Variants in CFAP97 observed in about 807,000 individuals in gnomAD.
CFAP97 encodes the protein cilia and flagella associated protein 97.
Under a neutral mutation model 43.1 loss-of-function variants are expected in CFAP97, and 36 were observed. The observed-to-expected ratio is 0.84, with a 90% CI of 0.64 to 1.10. The LOEUF is 1.10. CFAP97 is among the 50% of genes least tolerant of loss of function. The probability of loss-of-function intolerance (pLI) is 0.00; values close to 1 mark genes in which losing one functional copy is unlikely to be tolerated. For missense variants in CFAP97, 657 were observed against 620.3 expected, an observed-to-expected ratio of 1.06 and a Z score of -0.63; for synonymous variants, 228 against 225.7, an observed-to-expected ratio of 1.01 and a Z score of -0.09.
At chr4:185,202,953 AGTT>A (rs1240818145) in intron 1 of CFAP97, among the ~76,000 whole-genome samples, 2 of 152,244 alleles carry the variant, frequency 1.3e-5, no homozygotes, top group Non-Finnish European at 2.9e-5. Context: ...TTAATAAAGT[AGTT>A]AAGATTCTCT....
At chr4:185,208,777 T>A (rs949071564), upstream of CFAP97, among the ~76,000 whole-genome samples, 2 of 152,066 alleles carry the variant, frequency 1.3e-5, no homozygotes, top group Non-Finnish European at 2.9e-5. Flanking sequence ...TGAATACCAA[T>A]TGATACTAAA....
At chr4:185,194,756 C>A (rs1377181096) in intron 1 of CFAP97, among the ~76,000 whole-genome samples, 2 of 152,260 alleles carry the variant, frequency 1.3e-5, no homozygotes, top group African/African-American at 4.8e-5. Flanking sequence ...CTTTTCTATA[C>A]TGAATTAATA....
At chr4:185,165,609 C>A (rs892021369) in intron 3 of CFAP97, among the ~76,000 whole-genome samples, 1 of 152,196 alleles carries the variant, frequency 6.6e-6, no homozygotes, top group African/African-American at 2.4e-5. Flanking sequence ...GGAGTACTGA[C>A]CTGCACTAAG....
chr4:185,174,814 T>C (rs1361347454), intron 3 of CFAP97, among the ~76,000 whole-genome samples: 1 of 152,214 alleles, frequency 6.6e-6, no homozygotes, highest in Non-Finnish European at 1.5e-5. Context: ...AATAAGTTAA[T>C]ATTTGGAAGA....
chr4:185,169,189 G>C (rs1735187362), intron 3 of CFAP97: 2 of 152,132 alleles, frequency 1.3e-5, no homozygotes, highest in Admixed American at 6.5e-5. Context: ...TAACAATACT[G>C]TGTTATATAC....
At chr4:185,205,594 T>C (rs1204121375), upstream of CFAP97, among the ~76,000 whole-genome samples, 1 of 152,154 alleles carries the variant, frequency 6.6e-6, no homozygotes, top group Non-Finnish European at 1.5e-5. Flanking sequence ...TTTGAGAGGC[T>C]GAGGTGGGCG....
intron 3 of CFAP97, among the ~76,000 whole-genome samples, chr4:185,174,945 C>T (rs1221337033): frequency 1.3e-5 from 2 of 152,014 alleles, no homozygotes; most frequent in Non-Finnish European, 2.9e-5. Flanking sequence ...TCAACAGTTC[C>T]CATATTTATT....
At chr4:185,203,585 C>T (rs1435429698) in intron 1 of CFAP97, among the ~76,000 whole-genome samples, 1 of 152,118 alleles carries the variant, frequency 6.6e-6, no homozygotes, top group African/African-American at 2.4e-5. Flanking sequence ...AAGAAGTCGT[C>T]AGGGCCCGGC....
Position 185,190,995 on chromosome 4 carries a change from C to T in CFAP97, c.202G>A (p.Gly68Arg). The change falls in exon 2 of 5, where the codon GGA becomes AGA. Residue 68 changes from glycine (G) to arginine (R), a missense_variant. Gly to Arg is a moderately radical substitution (Grantham distance 125, BLOSUM62 -2). Coordinates refer to ENST00000458385, the MANE Select transcript of CFAP97 (RefSeq NM_020827.3). ...QTTENYLTEK[G>R]NERNVKFPPE... is the part of the protein sequence containing the mutation. Reference sequence around the variant, plus strand: ...GGAAATTTCACGTTTCTTTCATTTCCCTTCTCAGTAAGATAATTTTCTGTT... The same window carrying T: ...GGAAATTTCACGTTTCTTTCATTTCTCTTCTCAGTAAGATAATTTTCTGTT... 1 of 1,613,558 alleles carries T rather than the reference C, an allele frequency of 6.2e-7. No individual in the cohort carries two copies.
chr4:185,199,563 G>C (rs150113274), intron 1 of CFAP97, among the ~76,000 whole-genome samples: 1 of 151,754 alleles, frequency 6.6e-6, no homozygotes, highest in Non-Finnish European at 1.5e-5. Context: ...TCAGCTACTC[G>C]GGAGGCTGAG....
At chr4:185,197,489 G>T (rs1363688232) in intron 1 of CFAP97, among the ~76,000 whole-genome samples, 1 of 151,566 alleles carries the variant, frequency 6.6e-6, no homozygotes, top group African/African-American at 2.4e-5. Context: ...GCAGTGGCGC[G>T]TGATCTCGGC....
At chr4:185,202,901 C>G (rs1380395307) in intron 1 of CFAP97, among the ~76,000 whole-genome samples, 1 of 152,014 alleles carries the variant, frequency 6.6e-6, no homozygotes, top group Non-Finnish European at 1.5e-5. Context: ...ACATTTACTA[C>G]GAGGTAAGTG....
At chr4:185,165,738 A>G (rs1735043287) in intron 3 of CFAP97, among the ~76,000 whole-genome samples, 2 of 152,166 alleles carry the variant, frequency 1.3e-5, no homozygotes, top group African/African-American at 4.8e-5. Flanking sequence ...ACCACTTCTA[A>G]GCATACAGTT....
In CFAP97 at chr4:185,162,867, C is replaced by T. The variant is rs146037638; in HGVS notation, c.1530G>A (p.Ala510=). ...SGLSCRSERS[A]VDPSSGHPRR... ...GAGGGTGGCCACTGGAGGGGTCAAC[C>T]GCTGATCGCTCACTCCTACAACTGA... Residue 510 remains alanine (A), a synonymous_variant, in exon 5 of 5, where the codon GCG becomes GCA. Transcript: ENST00000458385. 6,258 of 1,611,850 alleles carry T rather than the reference C, an allele frequency of 3.9e-3. 17 individuals are homozygous for T. The highest frequency in any genetic ancestry group is 4.8e-3 in the Non-Finnish European group (5,679 of 1,179,104).
intron 3 of CFAP97, among the ~76,000 whole-genome samples, chr4:185,165,527 C>T (rs1029452944): frequency 2.0e-5 from 3 of 152,102 alleles, no homozygotes; most frequent in Admixed American, 6.6e-5. Context: ...GGGAATTGAT[C>T]CATGATTGTG....
chr4:185,185,857 C>T (rs1735988024), intron 2 of CFAP97, among the ~76,000 whole-genome samples: 1 of 151,880 alleles, frequency 6.6e-6, no homozygotes, highest in Non-Finnish European at 1.5e-5. Flanking sequence ...CCAGGCTGGT[C>T]TCAAACTCCT....
chr4:185,163,884 C>A (rs1734965645), intron 4 of CFAP97, 145 bp downstream of exon 4: 1 of 701,512 alleles, frequency 1.4e-6, no homozygotes, highest in Non-Finnish European at 2.3e-6. Context: ...TGAACTAATA[C>A]AAATAAAACA....
chr4:185,203,049 T>C (rs1736960312), intron 1 of CFAP97, among the ~76,000 whole-genome samples: 1 of 152,234 alleles, frequency 6.6e-6, no homozygotes, highest in East Asian at 1.9e-4. Flanking sequence ...AAGACAGAGT[T>C]TTGCCAGGAG....
chr4:185,190,974 A>G lies in CFAP97; in HGVS notation c.223T>C (p.Phe75Leu). 2.5e-6 allele frequency: 4 copies of G among 1,613,714 alleles called. No individual in the cohort carries two copies. Among genetic ancestry groups the G allele is most frequent in the Non-Finnish European group, 3.4e-6 (4 of 1,179,784 alleles). The change falls in exon 2 of 5, where the codon TTT (phenylalanine) becomes CTT (leucine). Residue 75 changes from phenylalanine (F) to leucine (L), a missense_variant. Physicochemically the swap from Phe to Leu is conservative, Grantham distance 22. Transcript: ENST00000458385. ...TEKGNERNVK[F>L]PPEHPVENDV... ...TTCTCTACGGGGTGTTCTGGGGGAAATTTCACGTTTCTTTCATTTCCCTTC... is the reference window on the plus strand; with the variant it reads ...TTCTCTACGGGGTGTTCTGGGGGAAGTTTCACGTTTCTTTCATTTCCCTTC...
Sources: gnomAD v4.1 joint callset for allele counts (sites outside exome capture counted in the v4.1 genomes callset) on GRCh38, gnomAD v4.1.1 for gene constraint, MANE v1.5 for transcripts, NCBI Gene and HGNC (gene_info 2026-07-23, HGNC 2026-07-21) for gene names.